The following MDK variants were observed in gnomAD, a reference collection of about 807,000 sequenced individuals.
MDK encodes the protein amphiregulin-associated protein.
Under a neutral mutation model 18.9 loss-of-function variants are expected in MDK, and 17 were observed. The ratio of observed to expected loss-of-function variants is 0.90; its 90% CI spans 0.62 to 1.35. The LOEUF is 1.35. Ranked by LOEUF, MDK falls within the 40% of genes most tolerant of loss-of-function variation. The pLI is 0.00. For synonymous variants in MDK, 86 were observed against 74.3 expected, an observed-to-expected ratio of 1.16 and a Z score of -0.81; for missense variants, 180 against 186.3, an observed-to-expected ratio of 0.97 and a Z score of 0.20.
At chr11:46,383,273 A>C (rs1296555968) in intron 4 of MDK, 196 bp from the exon 5 acceptor site, 3 of 538,420 alleles carry the variant, frequency 5.6e-6, no homozygotes, top group Non-Finnish European at 1.0e-5. Context: ...TCCCAAGTGG[A>C]AATAGGAAGC....
At chr11:46,382,804 C>A (rs1480560646) in intron 4 of MDK, 56 bp downstream of exon 4, 7 of 1,488,836 alleles carry the variant, frequency 4.7e-6, no homozygotes, top group East Asian at 2.5e-5. Context: ...CCCCCCCCCC[C>A]CGCCTGTGAG....
At chr11:46,382,494 G>C (rs775434897) in intron 3 of MDK, 33 bp downstream of exon 3, 9 of 1,527,900 alleles carry the variant, frequency 5.9e-6, no homozygotes, top group Middle Eastern at 1.7e-4. Flanking sequence ...GGCAGGAGAC[G>C]GGGGGCACAG....
chr11:46,382,225 C>G, intron 2 of MDK, 69 bp from the exon 3 acceptor site: 1 of 1,604,008 alleles, frequency 6.2e-7, no homozygotes, highest in Non-Finnish European at 8.5e-7. Context: ...GCCTGGAACC[C>G]CAGGAAGGCG....
rs541488494 is a variant in MDK at position 46,382,810 on chromosome 11, G to A, written c.406+62G>A. The stretch of plus-strand genomic sequence containing the variant: ...GGGCTGCCCCCCCCCCCCCCCGCCT[G>A]TGAGGGGACAATTCCAAGTTAAACC... On this transcript the variant is annotated intron_variant, in intron 4 of 4. Transcript: ENST00000395566. The A allele has an allele frequency of 2.3e-5, 31 of 1,361,478 alleles. 1 individual carries two copies. The highest frequency in any genetic ancestry group is 4.0e-4 in the Middle Eastern group (2 of 4,940). The allele number at this position is 1,361,478 out of a possible 1,614,324, so 84.3% of individuals were successfully genotyped here.
chr11:46,383,565 C>A lies in MDK; in HGVS notation c.*71C>A. ...TGGCCCACGCCCTCCCTCTCCCAGG[C>A]CCGAGATGTGACCCACCAGTGCCTT... On this transcript the variant is annotated 3_prime_UTR_variant, in exon 5 of 5. Transcript: ENST00000395566. 1 of 1,416,798 alleles carries A rather than the reference C, an allele frequency of 7.1e-7. No homozygotes were observed. The highest frequency in any genetic ancestry group is 1.0e-6 in the Non-Finnish European group (1 of 1,002,844). 87.8% of individuals were successfully genotyped at this position (1,416,798 alleles called of 1,614,324 possible). A position where few individuals can be genotyped will look rare whatever the true frequency, so the allele number is the denominator to read the frequency against.
chr11:46,383,317 C>T (rs1590678422), intron 4 of MDK, 152 bp from the exon 5 acceptor site: 4 of 602,360 alleles, frequency 6.6e-6, no homozygotes, highest in Non-Finnish European at 9.0e-6. Context: ...ACAATGGCTG[C>T]CCCATCCCCT....
At chr11:46,382,907 A>C in intron 4 of MDK, 159 bp downstream of exon 4, 1 of 838,562 alleles carries the variant, frequency 1.2e-6, no homozygotes. Context: ...AAAAGTCTGA[A>C]GATGGGCACT....
rs547627959 is a variant in MDK, at chr11:46,382,225, C to T, written c.77-69C>T. The T allele has an allele frequency of 2.5e-6, 4 of 1,604,008 alleles. No individual in the cohort carries two copies. The African/African-American group carries it at 5.3e-5, about 21-fold the overall frequency. On this transcript the variant is annotated intron_variant, in intron 2 of 4. Transcript: ENST00000395566. ...CCGCCTGGGTTCCTAGCCTGGAACC[C>T]CAGGAAGGCGGCTCCCGAGGGAGTC...
rs77401219 is a variant in MDK at position 46,382,104 on chromosome 11, C to G, written c.47C>G (p.Ala16Gly). ...FLLLTLLALL[A>G]LTSAVAKKKD... ...CTCCTCACCCTCCTCGCCCTGCTGG[C>G]GCTCACCTCCGCGGTCGCCAAAAAG... Residue 16 changes from alanine (A) to glycine (G), a missense_variant, in exon 2 of 5, where the codon GCG becomes GGG. Physicochemically the swap from Ala to Gly is moderately conservative, Grantham distance 60. Coordinates refer to ENST00000395566, the MANE Select transcript of MDK (RefSeq NM_002391.6). 5.0e-5 allele frequency: 80 copies of G among 1,611,022 alleles called. 1 individual carries two copies. The Middle Eastern group carries it at 1.3e-3, about 27-fold the overall frequency.
intron 3 of MDK, 41 bp downstream of exon 3, chr11:46,382,502 C>G: frequency 6.5e-7 from 1 of 1,531,694 alleles, no homozygotes; most frequent in Non-Finnish European, 8.8e-7. Context: ...ACGGGGGGCA[C>G]AGCCTCGCCG....
intron 2 of MDK, 48 bp from the exon 3 acceptor site, chr11:46,382,246 G>T: frequency 1.2e-6 from 2 of 1,604,064 alleles, no homozygotes; most frequent in South Asian, 1.1e-5. Flanking sequence ...GCTCCCGAGG[G>T]AGTCTCCCCG....
At chr11:46,382,985 C>A (rs1945269194) in intron 4 of MDK, 2 of 583,326 alleles carry the variant, frequency 3.4e-6, no homozygotes, top group Admixed American at 6.0e-5. Context: ...CCAACTCAAA[C>A]TACTCCATTG....
intron 4 of MDK, 46 bp downstream of exon 4, chr11:46,382,794 C>A (rs757502986): frequency 1.0e-5 from 11 of 1,064,510 alleles, no homozygotes; most frequent in East Asian, 6.9e-5. Context: ...GGGGCTGCCC[C>A]CCCCCCCCCC....
intron 4 of MDK, chr11:46,383,265 C>G (rs1945275616): frequency 3.8e-6 from 2 of 527,092 alleles, no homozygotes; most frequent in Non-Finnish European, 6.8e-6. Context: ...TTTTCTGATC[C>G]CAAGTGGAAA....
Position 46,382,433 on chromosome 11 carries a change from G to T in MDK, c.216G>T (p.Val72=). Residue 72 remains valine, a synonymous_variant, in exon 3 of 5, where the codon GTG becomes GTT. Transcript: ENST00000395566. Reference sequence around the variant, plus strand: ...AGACCCAGCGCATCCGGTGCAGGGTGCCCTGCAACTGGAAGAAGGAGTTTG... The same window carrying T: ...AGACCCAGCGCATCCGGTGCAGGGTTCCCTGCAACTGGAAGAAGGAGTTTG... ...GAQTQRIRCR[V]PCNWKKEFGA... 3.9e-6 allele frequency: 6 copies of T among 1,529,678 alleles called. No homozygotes were observed. The highest frequency in any genetic ancestry group is 2.1e-5 in the Admixed American group (1 of 47,864). 94.8% of individuals were successfully genotyped at this position (1,529,678 alleles called of 1,614,324 possible).
At chr11:46,383,292 TC>T in intron 4 of MDK, 176 bp from the exon 5 acceptor site, 1 of 558,044 alleles carries the variant, frequency 1.8e-6, no homozygotes, top group Non-Finnish European at 3.2e-6. Flanking sequence ...GCTGGGGATG[TC>T]CCATGTCCAC....
rs748676546 is a variant in MDK, at chr11:46,382,573, C to A, written c.245-14C>A. The A allele has an allele frequency of 1.2e-6, 2 of 1,601,870 alleles. No individual in the cohort carries two copies. The highest frequency in any genetic ancestry group is 1.1e-5 in the South Asian group (1 of 89,916). Reference sequence around the variant, plus strand: ...CGGGCCGCGCAGCGCTGACCTGGGCCGCTCTCTCGCCAGCCGACTGCAAGT... The same window carrying A: ...CGGGCCGCGCAGCGCTGACCTGGGCAGCTCTCTCGCCAGCCGACTGCAAGT... On this transcript the variant is annotated splice_polypyrimidine_tract_variant and intron_variant, in intron 3 of 4. Transcript: ENST00000395566.
In MDK at chr11:46,383,529, C is replaced by T. The variant is rs754611380; in HGVS notation, c.*35C>T. The T allele has an allele frequency of 6.2e-7, 1 of 1,608,214 alleles. No homozygotes were observed. The highest frequency in any genetic ancestry group is 1.3e-5 in the African/African-American group (1 of 74,932). ...CTGGATGCCAAGGAGCCCCTGGTGT[C>T]ACATGGGGCCTGGCCCACGCCCTCC... On this transcript the variant is annotated 3_prime_UTR_variant, in exon 5 of 5. Transcript: ENST00000395566.
chr11:46,383,334 G>C, intron 4 of MDK, 135 bp from the exon 5 acceptor site: 1 of 642,144 alleles, frequency 1.6e-6, no homozygotes, highest in Non-Finnish European at 2.7e-6. Context: ...CCCTGCTTCC[G>C]AGTCAGCTGA....
Sources: gnomAD v4.1 joint callset for allele counts on GRCh38, gnomAD v4.1.1 for gene constraint, MANE v1.5 for transcripts, NCBI Gene and HGNC (gene_info 2026-07-23, HGNC 2026-07-21) for gene names.